The following PLAAT1 variants were observed in gnomAD, a reference collection of about 807,000 sequenced individuals.
PLAAT1 encodes the protein phospholipase A and acyltransferase 1.
A neutral mutation model predicts 16.4 loss-of-function variants in PLAAT1; 13 were observed. The ratio of observed to expected loss-of-function variants is 0.79; its 90% CI spans 0.52 to 1.26. The LOEUF (loss-of-function observed/expected upper bound fraction) is 1.26. Among genes scored for constraint, PLAAT1 ranks in the 50% most tolerant of loss-of-function variants. The probability of loss-of-function intolerance (pLI) is 0.00; values close to 1 mark genes in which losing one functional copy is unlikely to be tolerated. For missense variants in PLAAT1, 218 were observed against 207.8 expected (o/e 1.05, Z -0.30); for synonymous variants, 73 against 78.4 (o/e 0.93, Z 0.36).
At chr3:193,279,296 T>C, downstream of PLAAT1, 1 of 1,232,866 alleles carries the variant, frequency 8.1e-7, no homozygotes. Context: ...AATAATTGAC[T>C]TGTGAATTAC....
intron 1 of PLAAT1, among the ~76,000 whole-genome samples, chr3:193,249,397 G>A (rs545543501): frequency 2.6e-5 from 4 of 152,176 alleles, no homozygotes; most frequent in African/African-American, 9.6e-5. Context: ...ATGTTCATAG[G>A]TTCTTGGAAA....
chr3:193,254,657 T>C (rs2108788240), intron 1 of PLAAT1, among the ~76,000 whole-genome samples: 1 of 152,310 alleles, frequency 6.6e-6, no homozygotes, highest in South Asian at 2.1e-4. Context: ...ATTTCAAACA[T>C]GTTCATCAAT....
At chr3:193,240,660 T>G (rs1715682025), upstream of PLAAT1, among the ~76,000 whole-genome samples, 1 of 143,488 alleles carries the variant, frequency 7.0e-6, no homozygotes, top group Admixed American at 6.8e-5. Flanking sequence ...CTGGCGTGTG[T>G]GTGTGTGTGT....
intron 2 of PLAAT1, chr3:193,276,750 C>A (rs1717228573): frequency 6.3e-7 from 1 of 1,594,126 alleles, no homozygotes; most frequent in Non-Finnish European, 8.6e-7. Context: ...ATTACTTTAC[C>A]TCTACAAAGA....
chr3:193,280,053 A>G (rs1279376910), downstream of PLAAT1, among the ~76,000 whole-genome samples: 1 of 140,306 alleles, frequency 7.1e-6, no homozygotes, highest in East Asian at 2.3e-4. Flanking sequence ...GCATGCTCCA[A>G]TTTTTCTTTC....
chr3:193,276,894 T>G, intron 2 of PLAAT1: 1 of 1,141,406 alleles, frequency 8.8e-7, no homozygotes, highest in Non-Finnish European at 1.3e-6. Context: ...AAGACCATAT[T>G]AATTATTTAA....
downstream of PLAAT1, chr3:193,279,518 T>A: frequency 7.5e-7 from 1 of 1,332,132 alleles, no homozygotes; most frequent in Non-Finnish European, 1.1e-6. Flanking sequence ...TTGGCACACA[T>A]TGCAGAATCA....
chr3:193,243,413 G>A (rs1232612914), intron 1 of PLAAT1, among the ~76,000 whole-genome samples: 3 of 152,112 alleles, frequency 2.0e-5, no homozygotes, highest in African/African-American at 7.2e-5. Context: ...AACCTCACCC[G>A]GAAACTCCGC....
intron 2 of PLAAT1, among the ~76,000 whole-genome samples, chr3:193,258,780 G>A (rs909822899): frequency 6.6e-6 from 1 of 151,684 alleles, no homozygotes; most frequent in Non-Finnish European, 1.5e-5. Flanking sequence ...ACTACCAACC[G>A]AAAAAAGCCC....
chr3:193,241,057 C>A, upstream of PLAAT1: 1 of 458,480 alleles, frequency 2.2e-6, no homozygotes, highest in Non-Finnish European at 3.2e-6. Flanking sequence ...GGCGCTGGAG[C>A]GCGTGCGTTG....
chr3:193,263,340 G>A (rs1716661174), intron 3 of PLAAT1, 105 bp downstream of exon 3: 14 of 1,085,898 alleles, frequency 1.3e-5, no homozygotes, highest in Non-Finnish European at 1.4e-5. Flanking sequence ...GAAAATACGA[G>A]AATACTGAAG....
chr3:193,244,045 A>G (rs773398668), intron 1 of PLAAT1, among the ~76,000 whole-genome samples: 11 of 152,294 alleles, frequency 7.2e-5, no homozygotes, highest in Non-Finnish European at 1.3e-4. Context: ...GTTGTCGCAT[A>G]TGTCAATAGT....
intron 2 of PLAAT1, among the ~76,000 whole-genome samples, chr3:193,257,376 A>G (rs73072881): frequency 0.016 from 2,434 of 152,320 alleles, 76 homozygotes; most frequent in African/African-American, 0.055. Flanking sequence ...ACAGCCATTA[A>G]AAGTCTTATA....
chr3:193,280,680 G>T (rs1244504668), downstream of PLAAT1, among the ~76,000 whole-genome samples: 1 of 152,152 alleles, frequency 6.6e-6, no homozygotes, highest in Non-Finnish European at 1.5e-5. Flanking sequence ...TCCTCTGTCA[G>T]AGCCTTTAGC....
chr3:193,242,108 GT>G (rs60283760), intron 1 of PLAAT1, among the ~76,000 whole-genome samples: 38 of 146,120 alleles, frequency 2.6e-4, no homozygotes, highest in Non-Finnish European at 3.9e-4. Context: ...ATTATGAGAG[GT>G]TTTTTTTTTG....
chr3:193,246,421 G>T (rs1029078549), intron 1 of PLAAT1, among the ~76,000 whole-genome samples: 12 of 152,094 alleles, frequency 7.9e-5, no homozygotes, highest in African/African-American at 2.9e-4. Flanking sequence ...CTGGAGTGCA[G>T]TGGTGTGATC....
intron 1 of PLAAT1, among the ~76,000 whole-genome samples, chr3:193,251,986 G>A (rs1716207784): frequency 1.3e-5 from 2 of 152,122 alleles, no homozygotes; most frequent in African/African-American, 2.4e-5. Context: ...TTTCTTTGGT[G>A]AAATTAGTCT....
intron 2 of PLAAT1, 118 bp downstream of exon 2, chr3:193,255,907 A>T: frequency 1.1e-6 from 1 of 905,928 alleles, no homozygotes; most frequent in Non-Finnish European, 1.5e-6. Flanking sequence ...AAAGCAGATA[A>T]ATCCAACTAA....
chr3:193,279,487 T>G (rs780428421), downstream of PLAAT1: 5 of 1,553,462 alleles, frequency 3.2e-6, no homozygotes, highest in Middle Eastern at 1.7e-4. Flanking sequence ...TTTTAGATGT[T>G]AAAAGAATGT....
Sources: allele counts gnomAD v4.1 joint callset (sites outside exome capture counted in the v4.1 genomes callset), GRCh38; gene constraint gnomAD v4.1.1; transcripts MANE v1.5; gene names NCBI Gene and HGNC (gene_info 2026-07-23, HGNC 2026-07-21).